BRAF: variants seen among roughly 807,000 people sequenced by gnomAD.
The protein encoded by BRAF is serine/threonine-protein kinase B-raf.
A neutral mutation model predicts 104.6 loss-of-function variants in BRAF; 16 were observed. The ratio of observed to expected loss-of-function variants is 0.15; its 90% CI spans 0.10 to 0.23. The LOEUF (loss-of-function observed/expected upper bound fraction) is 0.23. Ranked by LOEUF, BRAF falls within the 10% of genes least tolerant of loss-of-function variation. The probability of loss-of-function intolerance (pLI) is 1.00; values close to 1 mark genes in which losing one functional copy is unlikely to be tolerated. For missense variants in BRAF, 541 were observed against 937.3 expected (o/e 0.58, Z 5.52); for synonymous variants, 310 against 341.6 (o/e 0.91, Z 1.02).
chr7:140,900,124 G>A (rs982887840), intron 1 of BRAF, among the ~76,000 whole-genome samples: 3 of 152,222 alleles, frequency 2.0e-5, no homozygotes, highest in African/African-American at 7.2e-5. Flanking sequence ...TGAGAGAAAT[G>A]TTATTTCAAA....
intron 16 of BRAF, among the ~76,000 whole-genome samples, chr7:140,752,675 A>AT (rs527503601): frequency 3.0e-4 from 45 of 150,940 alleles, no homozygotes; most frequent in Admixed American, 1.5e-3. Context: ...TCTACCTCTC[A>AT]TTTTTTTTTG....
chr7:140,722,862 C>T lies in BRAF; in HGVS notation c.*3632G>A, dbSNP rs926001937. ...AAGATTCTGAAACGTACCCCTAAAC[C>T]GGTTCTGGCACCACTTTCAACAACA... On this transcript the variant is annotated 3_prime_UTR_variant, in exon 20 of 20. Transcript: ENST00000644969. 2.7e-5 allele frequency: 28 copies of T among 1,054,264 alleles called. No homozygotes were observed. The highest frequency in any genetic ancestry group is 4.3e-4 in the Middle Eastern group (1 of 2,352). 65.3% of individuals were successfully genotyped at this position (1,054,264 alleles called of 1,614,324 possible). A position where few individuals can be genotyped will look rare whatever the true frequency, so the allele number is the denominator to read the frequency against.
At chr7:140,825,942 T>C (rs1806000001) in intron 3 of BRAF, among the ~76,000 whole-genome samples, 1 of 152,200 alleles carries the variant, frequency 6.6e-6, no homozygotes, top group Non-Finnish European at 1.5e-5. Flanking sequence ...CATTTGTAAA[T>C]GTTAGCCCTA....
At chr7:140,911,896 T>G (rs10488098) in intron 1 of BRAF, among the ~76,000 whole-genome samples, 8,557 of 152,282 alleles carry the variant, frequency 0.056, 288 homozygotes, top group South Asian at 0.11. Flanking sequence ...CAAATGAAAA[T>G]GACTCATATT....
chr7:140,832,323 G>C (rs1210538273), intron 3 of BRAF, among the ~76,000 whole-genome samples: 1 of 152,166 alleles, frequency 6.6e-6, no homozygotes, highest in Non-Finnish European at 1.5e-5. Context: ...TTTTGATAGA[G>C]GAACTGTCAT....
intron 1 of BRAF, among the ~76,000 whole-genome samples, chr7:140,904,314 T>C (rs904303247): frequency 6.6e-6 from 1 of 152,018 alleles, no homozygotes; most frequent in Non-Finnish European, 1.5e-5. Flanking sequence ...AAAACAATTA[T>C]GACTCATTGA....
downstream of BRAF, among the ~76,000 whole-genome samples, chr7:140,716,424 G>C (rs979229517): frequency 6.6e-6 from 1 of 152,046 alleles, no homozygotes; most frequent in Admixed American, 6.6e-5. Flanking sequence ...TCTCTAAATT[G>C]AATCAGTTGT....
chr7:140,895,163 C>A (rs893600319), intron 1 of BRAF, among the ~76,000 whole-genome samples: 1 of 151,932 alleles, frequency 6.6e-6, no homozygotes. Context: ...GTTGCTTACT[C>A]AAAACTAGGA....
At chr7:140,740,095 C>G in intron 17 of BRAF, 149 bp from the exon 17 acceptor site, 3 of 790,126 alleles carry the variant, frequency 3.8e-6, no homozygotes, top group Non-Finnish European at 5.9e-6. Context: ...AAACCAATGC[C>G]ACATCATAGA....
chr7:140,774,501 C>A (rs748839056), intron 14 of BRAF, among the ~76,000 whole-genome samples: 2 of 152,162 alleles, frequency 1.3e-5, no homozygotes, highest in African/African-American at 4.8e-5. Flanking sequence ...GTTGGGTTTA[C>A]AGGCATGAGC....
intron 17 of BRAF, among the ~76,000 whole-genome samples, chr7:140,747,748 C>T (rs76473524): frequency 6.6e-6 from 1 of 152,198 alleles, no homozygotes; most frequent in East Asian, 1.9e-4. Flanking sequence ...CTGTAAAAGA[C>T]AGAGGACATG....
chr7:140,734,777 AAAAAAAAAG>A lies in BRAF; in HGVS notation c.2248-16_2248-8del, dbSNP rs556212081. The A allele has an allele frequency of 1.6e-5, 21 of 1,335,778 alleles. No individual in the cohort carries two copies. Among genetic ancestry groups the A allele is most frequent in the Admixed American group, 5.7e-5 (2 of 35,348 alleles). The allele number at this position is 1,335,778 out of a possible 1,614,324, so 82.7% of individuals were successfully genotyped here. A position where few individuals can be genotyped will look rare whatever the true frequency, so the allele number is the denominator to read the frequency against. ...GCTCAATAGAGGCGAGAATCTACAA[AAAAAAAAAG>A]AAAAAAAAAAGAAAAAAAAAGAAAA... On this transcript the variant is annotated splice_region_variant and splice_polypyrimidine_tract_variant and intron_variant, in intron 18 of 19. Coordinates refer to ENST00000644969, the MANE Select transcript of BRAF (RefSeq NM_001374258.1).
intron 14 of BRAF, among the ~76,000 whole-genome samples, chr7:140,756,687 C>T (rs2129001682): frequency 6.6e-6 from 1 of 152,240 alleles, no homozygotes; most frequent in Admixed American, 6.5e-5. Context: ...TAGATTGGAC[C>T]TCCCTCTTTC....
chr7:140,917,648 T>C (rs1476716904), intron 1 of BRAF, among the ~76,000 whole-genome samples: 1 of 152,180 alleles, frequency 6.6e-6, no homozygotes, highest in Admixed American at 6.5e-5. Flanking sequence ...TTATGAACTT[T>C]CTATAGACCT....
chr7:140,899,060 T>C (rs370379567), intron 1 of BRAF, among the ~76,000 whole-genome samples: 5 of 152,300 alleles, frequency 3.3e-5, no homozygotes, highest in Admixed American at 2.0e-4. Flanking sequence ...ACTTTTTTTC[T>C]ATCTTGGGGT....
At position 140,852,147 on chromosome 7, in the gene BRAF, T is replaced by C. The variant is rs568742182; in HGVS notation, c.139-1935A>G. ...ACTCTGGGAGGCCGAGGCAGGTGGA[T>C]TGCTTGAGCCCAGGAGTTCACAACC... On this transcript the variant is annotated intron_variant, in intron 1 of 19. Coordinates refer to ENST00000644969, the MANE Select transcript of BRAF (RefSeq NM_001374258.1). Among the ~76,000 whole-genome samples, 55 of 152,072 alleles carry C rather than the reference T, an allele frequency of 3.6e-4. 1 individual carries two copies. Among genetic ancestry groups the C allele is most frequent in the African/African-American group, 1.2e-3 (50 of 41,500 alleles).
intron 1 of BRAF, among the ~76,000 whole-genome samples, chr7:140,917,110 G>A (rs760144223): frequency 5.9e-5 from 9 of 152,210 alleles, no homozygotes; most frequent in Non-Finnish European, 1.2e-4. Context: ...ACAATTGCTG[G>A]AGTGCAATGA....
At position 140,765,734 on chromosome 7, in the gene BRAF, T is replaced by A. The variant is rs1387469558; in HGVS notation, c.1814+11178A>T. 1.7e-4 allele frequency among the ~76,000 whole-genome samples: 26 copies of A among 151,974 alleles called. 1 individual carries two copies. Among genetic ancestry groups the A allele is most frequent in the Admixed American group, 1.7e-3 (26 of 15,258 alleles). Reference sequence around the variant, plus strand: ...TCACTGGCCATCAGAGAAATGCAAATCAAAACCATAATGAGATACCATCTC... The same window carrying A: ...TCACTGGCCATCAGAGAAATGCAAAACAAAACCATAATGAGATACCATCTC... On this transcript the variant is annotated intron_variant, in intron 14 of 19. Transcript: ENST00000644969.
chr7:140,897,883 G>GT (rs1429534158), intron 1 of BRAF, among the ~76,000 whole-genome samples: 1 of 151,996 alleles, frequency 6.6e-6, no homozygotes, highest in Admixed American at 6.6e-5. Flanking sequence ...CACATAAACA[G>GT]TAACAACAAC....
Sources: gnomAD v4.1 joint callset for allele counts (sites outside exome capture counted in the v4.1 genomes callset) on GRCh38, gnomAD v4.1.1 for gene constraint, MANE v1.5 for transcripts, NCBI Gene and HGNC (gene_info 2026-07-23, HGNC 2026-07-21) for gene names.